PRKDC: variants seen among roughly 807,000 people sequenced by gnomAD.
PRKDC encodes DNA-dependent protein kinase catalytic subunit.
A neutral mutation model predicts 486.9 loss-of-function variants in PRKDC; 82 were observed. The ratio of observed to expected loss-of-function variants is 0.17; its 90% CI spans 0.14 to 0.20. The LOEUF (loss-of-function observed/expected upper bound fraction) is 0.20. PRKDC is among the 10% of genes least tolerant of loss of function. PRKDC has a pLI of 1.00. For synonymous variants in PRKDC, 1,895 were observed against 1,837.0 expected (o/e 1.03, Z -0.81); for missense variants, 4,504 against 5,038.2 (o/e 0.89, Z 3.21).
intron 67 of PRKDC, among the ~76,000 whole-genome samples, chr8:47,818,555 C>T (rs190448224): frequency 1.7e-5 from 2 of 116,854 alleles, no homozygotes; most frequent in Non-Finnish European, 3.2e-5. Context: ...CTCCAGCCTG[C>T]GAAACAGAGT....
At chr8:47,775,204 TAAA>T (rs1563727297) in intron 85 of PRKDC, among the ~76,000 whole-genome samples, 11 of 150,852 alleles carry the variant, frequency 7.3e-5, no homozygotes, top group African/African-American at 2.4e-4. Context: ...AATAAATAAA[TAAA>T]TAAATAAATT....
At chr8:47,864,872 A>G in intron 40 of PRKDC, 109 bp from the exon 41 acceptor site, 1 of 1,015,344 alleles carries the variant, frequency 9.8e-7, no homozygotes, top group Non-Finnish European at 1.4e-6. Context: ...AAATTACAAA[A>G]ATAACTTTAA....
Position 47,904,966 on chromosome 8 carries a change from T to G in PRKDC, c.2945A>C (p.Gln982Pro), listed in dbSNP as rs1344482077. Residue 982 changes from glutamine (Q) to proline (P), a missense_variant, in exon 26 of 86, where the codon CAA becomes CCA. Physicochemically the swap from Gln to Pro is moderately conservative, Grantham distance 76. Around this residue, in one of 6 missense-constraint regions of PRKDC, gnomAD observed 1,969 missense variants for 2,068.9 expected, o/e 0.95. Coordinates refer to ENST00000314191, the MANE Select transcript of PRKDC (RefSeq NM_006904.7). ...LACDVDQVTR[Q>P]LYEPLVMQLI... ...CTGCATAACTAGTGGCTCATACAGTTGCCTTGTCACCTGAAGAAACAATAC... is the reference window on the plus strand; with the variant it reads ...CTGCATAACTAGTGGCTCATACAGTGGCCTTGTCACCTGAAGAAACAATAC... 1 of 1,611,998 alleles carries G rather than the reference T, an allele frequency of 6.2e-7. No homozygotes were observed. The highest frequency in any genetic ancestry group is 2.2e-5 in the East Asian group (1 of 44,860).
intron 10 of PRKDC, among the ~76,000 whole-genome samples, chr8:47,941,129 C>CAAA (rs758700972): frequency 1.5e-5 from 1 of 67,640 alleles, no homozygotes; most frequent in Non-Finnish European, 3.0e-5. Flanking sequence ...AACTCCATCT[C>CAAA]AAAAAAAAAA....
chr8:47,821,748 G>C lies in PRKDC; in HGVS notation c.8967C>G (p.Ala2989=), dbSNP rs763351081. ...QDWVDGEPTE[A]EKDFWELASL... is the part of the protein sequence containing the mutation. ...ATGCAAGTTCCCAAAAATCCTTCTCGGCTTCTGTGGGCTCACCATCTACCC... is the reference window on the plus strand; with the variant it reads ...ATGCAAGTTCCCAAAAATCCTTCTCCGCTTCTGTGGGCTCACCATCTACCC... The change falls in exon 65 of 86, where the codon GCC becomes GCG. Residue 2989 remains alanine (A), a synonymous_variant. Coordinates refer to ENST00000314191, the MANE Select transcript of PRKDC (RefSeq NM_006904.7). The C allele has an allele frequency of 6.3e-7, 1 of 1,593,444 alleles. No individual in the cohort carries two copies. The highest frequency in any genetic ancestry group is 1.8e-5 in the Admixed American group (1 of 55,974).
chr8:47,794,545 C>T, intron 73 of PRKDC, 44 bp from the exon 74 acceptor site: 1 of 1,439,744 alleles, frequency 6.9e-7, no homozygotes, highest in Non-Finnish European at 9.6e-7. Context: ...AAACATCTCA[C>T]ATCATCTGTT....
At chr8:47,784,313 A>T (rs1181148836) in intron 77 of PRKDC, among the ~76,000 whole-genome samples, 1 of 152,178 alleles carries the variant, frequency 6.6e-6, no homozygotes, top group Non-Finnish European at 1.5e-5. Context: ...TTAGCACTCT[A>T]TTCTAATAGC....
chr8:47,935,859 C>T lies in PRKDC; in HGVS notation c.1320G>A (p.Val440=), dbSNP rs376084484. Residue 440 remains valine (V), a synonymous_variant, in exon 13 of 86, where the codon GTG becomes GTA. Transcript: ENST00000314191. ...VYTPVLEHLV[V]MQIDSFPQYS... ...ACTGTGGGAAACTGTCTATCTGCAT[C>T]ACCACGAGGTGCTCCAGAACTGGAG... The T allele has an allele frequency of 5.6e-6, 9 of 1,613,872 alleles. No homozygotes were observed. In the African/African-American group the frequency reaches 1.1e-4, roughly 19 times the overall value.
chr8:47,874,628 G>C (rs974685766), intron 40 of PRKDC, among the ~76,000 whole-genome samples: 1 of 151,770 alleles, frequency 6.6e-6, no homozygotes, highest in African/African-American at 2.4e-5. Context: ...GTGTGGTGGT[G>C]TGTGCCTGTA....
intron 31 of PRKDC, among the ~76,000 whole-genome samples, chr8:47,891,674 C>T (rs1189280235): frequency 1.3e-5 from 2 of 151,868 alleles, no homozygotes; most frequent in African/African-American, 2.4e-5. Context: ...GAGCCAAGAT[C>T]GCGCCACTGC....
chr8:47,888,025 GTTTTT>G (rs1387413831), intron 34 of PRKDC, among the ~76,000 whole-genome samples: 1 of 151,056 alleles, frequency 6.6e-6, no homozygotes, highest in African/African-American at 2.4e-5. Flanking sequence ...CCTGGACAAT[GTTTTT>G]TTTTGTTGTT....
At position 47,881,930 on chromosome 8, in the gene PRKDC, T is replaced by C. The variant is rs755966144; in HGVS notation, c.4944A>G (p.Leu1648=). Residue 1648 remains leucine, a synonymous_variant, in exon 37 of 86, where the codon TTA becomes TTG. Transcript: ENST00000314191. ...PLETKMAVLA[L]LAKILQIDSS... is the part of the protein sequence containing the mutation. The stretch of plus-strand genomic sequence containing the variant: ...TGAATACCTGTAAAATTTTTGCCAG[T>C]AAGGCCAGCACTGCCATTTTAGTTT... The C allele has an allele frequency of 1.9e-6, 3 of 1,607,190 alleles. No homozygotes were observed. The highest frequency in any genetic ancestry group is 3.4e-5 in the Admixed American group (2 of 59,162).
intron 54 of PRKDC, among the ~76,000 whole-genome samples, chr8:47,844,788 T>C (rs143136728): frequency 3.5e-4 from 54 of 152,240 alleles, no homozygotes; most frequent in East Asian, 3.3e-3. Flanking sequence ...TAAATGACTA[T>C]TGAGAAAACA....
chr8:47,832,180 G>A (rs575190733), intron 59 of PRKDC, among the ~76,000 whole-genome samples: 81 of 152,316 alleles, frequency 5.3e-4, no homozygotes, highest in Non-Finnish European at 9.6e-4. Flanking sequence ...CTGAACCCCC[G>A]CCCAACTCGC....
intron 21 of PRKDC, among the ~76,000 whole-genome samples, chr8:47,925,182 G>A (rs372705617): frequency 1.2e-4 from 19 of 152,320 alleles, no homozygotes; most frequent in African/African-American, 4.3e-4. Context: ...CCAGAAAGTG[G>A]AGCATGGAAT....
chr8:47,946,359 C>T (rs2090531920), intron 7 of PRKDC, among the ~76,000 whole-genome samples: 1 of 152,108 alleles, frequency 6.6e-6, no homozygotes, highest in Admixed American at 6.5e-5. Flanking sequence ...CCATCAGCCA[C>T]AGCCCATTTC....
intron 51 of PRKDC, 72 bp from the exon 52 acceptor site, chr8:47,852,856 T>G: frequency 9.6e-7 from 1 of 1,037,562 alleles, no homozygotes; most frequent in Non-Finnish European, 1.4e-6. Context: ...AAATGACAAT[T>G]TTCCTTCTCA....
intron 69 of PRKDC, 24 bp downstream of exon 69, chr8:47,807,113 G>C: frequency 6.2e-7 from 1 of 1,604,518 alleles, no homozygotes; most frequent in African/African-American, 1.3e-5. Context: ...TGACACAGCA[G>C]GGAGGACAGA....
intron 36 of PRKDC, among the ~76,000 whole-genome samples, chr8:47,885,125 G>A (rs1489040220): frequency 6.6e-6 from 1 of 152,186 alleles, no homozygotes; most frequent in African/African-American, 2.4e-5. Context: ...AACAATCAAT[G>A]TTTTAACATC....
Sources: gnomAD v4.1 joint callset for allele counts (sites outside exome capture counted in the v4.1 genomes callset) on GRCh38, gnomAD v4.1.1 for gene constraint, gnomAD v4.1.1 regional missense constraint, MANE v1.5 for transcripts, NCBI Gene and HGNC (gene_info 2026-07-23, HGNC 2026-07-21) for gene names.